The following CEP112 variants were observed in gnomAD, a reference collection of about 807,000 sequenced individuals.
The protein encoded by CEP112 is centrosomal protein 112.
CEP112 carries 127 observed loss-of-function variants against 153.0 expected under a neutral mutation model. The ratio of observed to expected loss-of-function variants is 0.83; its 90% CI spans 0.72 to 0.96. The LOEUF is 0.96. Ranked by LOEUF, CEP112 falls within the 40% of genes least tolerant of loss-of-function variation. The probability of loss-of-function intolerance (pLI) is 0.00; values close to 1 mark genes in which losing one functional copy is unlikely to be tolerated. For synonymous variants in CEP112, 358 were observed against 374.4 expected (o/e 0.96, Z 0.51); for missense variants, 1,089 against 1,101.2 (o/e 0.99, Z 0.16).
At chr17:65,667,235 G>A in intron 24 of CEP112, among the ~76,000 whole-genome samples, 1 of 152,096 alleles carries the variant, frequency 6.6e-6, no homozygotes, top group East Asian at 1.9e-4. Flanking sequence ...TGAGGACAAT[G>A]ATGGACCCAC....
At chr17:66,115,648 C>T (rs2069255199) in intron 6 of CEP112, among the ~76,000 whole-genome samples, 1 of 152,220 alleles carries the variant, frequency 6.6e-6, no homozygotes, top group Non-Finnish European at 1.5e-5. Context: ...ACCCCTCATT[C>T]ACCATGATTG....
intron 22 of CEP112, among the ~76,000 whole-genome samples, chr17:65,749,697 T>C (rs2051698899): frequency 6.8e-6 from 1 of 147,794 alleles, no homozygotes; most frequent in Admixed American, 6.8e-5. Flanking sequence ...GCACCAGTAA[T>C]AGTTCCTAAT....
intron 18 of CEP112, among the ~76,000 whole-genome samples, chr17:65,936,895 C>T (rs1447952586): frequency 6.7e-6 from 1 of 150,368 alleles, no homozygotes; most frequent in Non-Finnish European, 1.5e-5. Flanking sequence ...GCCACCGTCT[C>T]GGCTCACTGC....
intron 16 of CEP112, among the ~76,000 whole-genome samples, chr17:66,015,637 A>C (rs1384877508): frequency 6.6e-6 from 1 of 152,222 alleles, no homozygotes; most frequent in Non-Finnish European, 1.5e-5. Flanking sequence ...GTTTGCAAAT[A>C]AGAAGACTAA....
intron 8 of CEP112, among the ~76,000 whole-genome samples, chr17:66,080,181 C>T (rs923541026): frequency 6.6e-6 from 1 of 152,140 alleles, no homozygotes; most frequent in Non-Finnish European, 1.5e-5. Flanking sequence ...AACTAAAGAG[C>T]TTCTGCCCAG....
intron 3 of CEP112, 44 bp from the exon 4 acceptor site, chr17:66,175,260 A>G (rs1001686712): frequency 7.5e-7 from 1 of 1,333,692 alleles, no homozygotes; most frequent in South Asian, 1.9e-5. Flanking sequence ...AAAATGTACT[A>G]TAATAAACCA....
At chr17:65,820,786 TA>T (rs1476287084) in intron 21 of CEP112, among the ~76,000 whole-genome samples, 1 of 152,164 alleles carries the variant, frequency 6.6e-6, no homozygotes, top group East Asian at 1.9e-4. Flanking sequence ...GCCTAAATTA[TA>T]AATCTTTAAA....
chr17:65,758,837 CA>C, intron 21 of CEP112, among the ~76,000 whole-genome samples: 1 of 152,124 alleles, frequency 6.6e-6, no homozygotes, highest in Non-Finnish European at 1.5e-5. Context: ...GCTTTGTAGG[CA>C]TCTATTTGAA....
intron 20 of CEP112, among the ~76,000 whole-genome samples, chr17:65,894,070 TAAGG>T (rs1470705815): frequency 1.3e-5 from 2 of 152,126 alleles, no homozygotes; most frequent in Non-Finnish European, 2.9e-5. Flanking sequence ...TCCAAGACAT[TAAGG>T]AAGAAGAGTT....
intron 21 of CEP112, among the ~76,000 whole-genome samples, chr17:65,829,661 T>C (rs562310499): frequency 4.6e-5 from 7 of 152,348 alleles, no homozygotes; most frequent in African/African-American, 1.7e-4. Context: ...AATTACAGTC[T>C]AGCTATCTAT....
intron 19 of CEP112, among the ~76,000 whole-genome samples, chr17:65,916,892 T>C (rs1350841105): frequency 6.6e-6 from 1 of 152,038 alleles, no homozygotes; most frequent in South Asian, 2.1e-4. Flanking sequence ...GTGCCACTTG[T>C]TTTAACCTAG....
chr17:65,687,674 A>G (rs977645095), intron 24 of CEP112, among the ~76,000 whole-genome samples: 3 of 152,178 alleles, frequency 2.0e-5, no homozygotes, highest in African/African-American at 7.2e-5. Flanking sequence ...TCAATTCAGT[A>G]AGTATTAACA....
intron 20 of CEP112, among the ~76,000 whole-genome samples, chr17:65,871,447 A>T (rs1274158860): frequency 2.0e-5 from 3 of 152,166 alleles, no homozygotes; most frequent in Non-Finnish European, 4.4e-5. Context: ...CATCCTGGCT[A>T]ACATGGTGAA....
chr17:65,876,330 A>G (rs538028202), intron 20 of CEP112, among the ~76,000 whole-genome samples: 38 of 152,336 alleles, frequency 2.5e-4, no homozygotes, highest in African/African-American at 9.1e-4. Context: ...TTTCTATACA[A>G]TATTGAATAT....
At chr17:65,780,588 TA>T (rs1281341329) in intron 21 of CEP112, among the ~76,000 whole-genome samples, 1 of 152,116 alleles carries the variant, frequency 6.6e-6, no homozygotes, top group Non-Finnish European at 1.5e-5. Flanking sequence ...TTGACACTGT[TA>T]CACTTTATAC....
chr17:66,149,868 GTTTTTTTTTTTGT>G (rs2071095042), intron 4 of CEP112, among the ~76,000 whole-genome samples: 1 of 79,550 alleles, frequency 1.3e-5, no homozygotes, highest in Non-Finnish European at 2.5e-5. Context: ...TAAATTTAGG[GTTTTTTTTTTTGT>G]TTGTTTGTTT....
intron 24 of CEP112, among the ~76,000 whole-genome samples, chr17:65,657,546 G>A (rs2046123117): frequency 6.6e-6 from 1 of 152,136 alleles, no homozygotes; most frequent in Non-Finnish European, 1.5e-5. Context: ...AAGCGTTTGG[G>A]GAAAACCTGG....
chr17:66,095,313 C>A (rs907776954), intron 8 of CEP112, among the ~76,000 whole-genome samples: 3 of 152,054 alleles, frequency 2.0e-5, no homozygotes, highest in African/African-American at 7.2e-5. Flanking sequence ...TACACACACA[C>A]ACACAATGAA....
Position 65,902,267 on chromosome 17 carries a change from T to C in CEP112, c.2048A>G (p.Lys683Arg), listed in dbSNP as rs763898618. The stretch of plus-strand genomic sequence containing the variant: ...TTCATGGTCTCGGACTAGGCTATCC[T>C]TCTCTGCGTTATGCTGCTGTAATAG... ...THLLQQHNAE[K>R]DSLVRDHERE... Residue 683 changes from lysine (K) to arginine (R), a missense_variant, in exon 20 of 27, where the codon AAG becomes AGG. Coordinates refer to ENST00000535342, the MANE Select transcript of CEP112 (RefSeq NM_001199165.4). 6.2e-7 allele frequency: 1 copy of C among 1,613,934 alleles called. No homozygotes were observed. The highest frequency in any genetic ancestry group is 8.5e-7 in the Non-Finnish European group (1 of 1,179,982).
Sources: gnomAD v4.1 joint callset for allele counts (sites outside exome capture counted in the v4.1 genomes callset) on GRCh38, gnomAD v4.1.1 for gene constraint, MANE v1.5 for transcripts, NCBI Gene and HGNC (gene_info 2026-07-23, HGNC 2026-07-21) for gene names.